Variants in TOMM5 observed in about 807,000 individuals in gnomAD.
The protein encoded by TOMM5 is translocase of outer mitochondrial membrane 5.
In TOMM5, 1 loss-of-function variant was observed where a neutral mutation model predicts 4.8. The observed-to-expected ratio is 0.21, with a 90% CI of 0.07 to 0.99. The LOEUF (loss-of-function observed/expected upper bound fraction) is 0.99, where lower values mean the gene tolerates loss of function less well. Ranked by LOEUF, TOMM5 falls within the 50% of genes least tolerant of loss-of-function variation. The probability of loss-of-function intolerance (pLI) is 0.60; values close to 1 mark genes in which losing one functional copy is unlikely to be tolerated. For synonymous variants in TOMM5, 26 were observed against 26.7 expected (o/e 0.97, Z 0.08); for missense variants, 60 against 66.6 (o/e 0.90, Z 0.35).
intron 1 of TOMM5, among the ~76,000 whole-genome samples, chr9:37,590,887 G>C (rs1459981683): frequency 6.6e-6 from 1 of 152,340 alleles, no homozygotes; most frequent in East Asian, 1.9e-4. Context: ...GTATCAGTGA[G>C]CTCTGGCCTA....
intron 1 of TOMM5, 157 bp downstream of exon 1, chr9:37,592,255 C>G: frequency 6.5e-7 from 1 of 1,548,094 alleles, no homozygotes; most frequent in Non-Finnish European, 8.7e-7. Context: ...CCGCAGACCT[C>G]AAACCGCGCA....
rs1563900475 is a variant in TOMM5 at position 37,592,522 on chromosome 9, ATCCGGAACATCGCGGC to A, written c.-6_10del. ...GTCCAGCTTCGGCGCGAGGCCCTCA[ATCCGGAACATCGCGGC>A]TCTGACTTAGCAGCTTCCAGCCGCC... On this transcript the variant is annotated start_lost and 5_prime_UTR_variant, in exon 1 of 2. Coordinates refer to ENST00000321301, the MANE Select transcript of TOMM5 (RefSeq NM_001001790.3). The A allele has an allele frequency of 6.2e-7, 1 of 1,612,914 alleles. No individual in the cohort carries two copies. Among genetic ancestry groups the A allele is most frequent in the Non-Finnish European group, 8.5e-7 (1 of 1,179,596 alleles).
chr9:37,590,398 C>T (rs745422460), intron 1 of TOMM5, among the ~76,000 whole-genome samples: 1 of 149,824 alleles, frequency 6.7e-6, no homozygotes, highest in African/African-American at 2.5e-5. Flanking sequence ...AGAGCAAGAC[C>T]GTCTCAAAAA....
At chr9:37,591,235 A>G (rs1823094783) in intron 1 of TOMM5, among the ~76,000 whole-genome samples, 1 of 152,162 alleles carries the variant, frequency 6.6e-6, no homozygotes, top group African/African-American at 2.4e-5. Flanking sequence ...ACTTCCTGTC[A>G]ATTTTAAGAT....
intron 1 of TOMM5, 196 bp downstream of exon 1, chr9:37,592,216 C>A (rs1251498839): frequency 2.0e-6 from 3 of 1,520,420 alleles, no homozygotes; most frequent in Admixed American, 4.1e-5. Context: ...CGCCGGCCAC[C>A]ACGTGCACTT....
chr9:37,592,360 C>G (rs1180353979), intron 1 of TOMM5, 52 bp downstream of exon 1: 1 of 1,612,276 alleles, frequency 6.2e-7, no homozygotes. Flanking sequence ...TAAGGGGTGC[C>G]CGTCGGTGAG....
chr9:37,592,566 G>C lies in TOMM5; in HGVS notation c.-34C>G. On this transcript the variant is annotated 5_prime_UTR_variant, in exon 1 of 2. Coordinates refer to ENST00000321301, the MANE Select transcript of TOMM5 (RefSeq NM_001001790.3). ...TGACTTAGCAGCTTCCAGCCGCCGCGCTCTGCTCTCCACGGTGGCCGCCTC... is the reference window on the plus strand; with the variant it reads ...TGACTTAGCAGCTTCCAGCCGCCGCCCTCTGCTCTCCACGGTGGCCGCCTC... The C allele has an allele frequency of 6.2e-7, 1 of 1,601,688 alleles. No individual in the cohort carries two copies. Among genetic ancestry groups the C allele is most frequent in the South Asian group, 1.1e-5 (1 of 89,962 alleles).
chr9:37,589,250 T>A (rs1823063748), intron 1 of TOMM5, among the ~76,000 whole-genome samples: 1 of 152,214 alleles, frequency 6.6e-6, no homozygotes, highest in African/African-American at 2.4e-5. Context: ...ATTTTAACTG[T>A]AAAAGGAACA....
At position 37,592,196 on chromosome 9, in the gene TOMM5, T is replaced by C. The variant is rs1281420663; in HGVS notation, c.121+216A>G. On this transcript the variant is annotated intron_variant, in intron 1 of 1. Transcript: ENST00000321301. Reference sequence around the variant, plus strand: ...TTCAAGCTGGGAGAACCAGGATGATTAAACACGCGCGCCGGCCACCACGTG... The same window carrying C: ...TTCAAGCTGGGAGAACCAGGATGATCAAACACGCGCGCCGGCCACCACGTG... The C allele has an allele frequency of 3.5e-5, 53 of 1,501,874 alleles. No individual in the cohort carries two copies. In the East Asian group the frequency reaches 1.2e-3, roughly 35 times the overall value. 93.0% of individuals were successfully genotyped at this position (1,501,874 alleles called of 1,614,324 possible).
chr9:37,592,115 A>T, intron 1 of TOMM5: 2 of 1,133,844 alleles, frequency 1.8e-6, no homozygotes, highest in Non-Finnish European at 2.4e-6. Context: ...TCGGCTTCAC[A>T]AAGTGCTGGG....
intron 1 of TOMM5, among the ~76,000 whole-genome samples, chr9:37,590,120 G>A (rs1300048226): frequency 6.6e-6 from 1 of 152,158 alleles, no homozygotes; most frequent in Non-Finnish European, 1.5e-5. Context: ...GGCCAGGTGT[G>A]GTGGACCACA....
chr9:37,591,505 A>G (rs1164847973), intron 1 of TOMM5, among the ~76,000 whole-genome samples: 1 of 152,098 alleles, frequency 6.6e-6, no homozygotes, highest in Non-Finnish European at 1.5e-5. Context: ...GGCCTGGCCA[A>G]CATGGTTAAA....
At chr9:37,590,313 T>G (rs1198194021) in intron 1 of TOMM5, among the ~76,000 whole-genome samples, 1 of 152,082 alleles carries the variant, frequency 6.6e-6, no homozygotes, top group African/African-American at 2.4e-5. Context: ...GATCACTTAC[T>G]TGAGCCTGGG....
rs147782132 is a variant in TOMM5, at chr9:37,591,792, T to C, written c.121+620A>G. On this transcript the variant is annotated intron_variant, in intron 1 of 1. Transcript: ENST00000321301. The stretch of plus-strand genomic sequence containing the variant: ...CAAGATCATTCACTGAATCGCTGAG[T>C]GACCTTTGGCCAGCCTTCCCAAGAA... Among the ~76,000 whole-genome samples, 44 of 152,118 alleles carry C rather than the reference T, an allele frequency of 2.9e-4. No homozygotes were observed. In the East Asian group the frequency reaches 6.6e-3, roughly 23 times the overall value.
intron 1 of TOMM5, among the ~76,000 whole-genome samples, chr9:37,591,705 A>AAAAG (rs1823105500): frequency 6.6e-6 from 1 of 151,816 alleles, no homozygotes; most frequent in Non-Finnish European, 1.5e-5. Context: ...GAAAAAAAAA[A>AAAAG]AAAAGAAAAG....
intron 1 of TOMM5, 161 bp downstream of exon 1, chr9:37,592,251 A>T (rs901854930): frequency 1.3e-6 from 2 of 1,545,056 alleles, no homozygotes; most frequent in Non-Finnish European, 1.8e-6. Context: ...TGACCCGCAG[A>T]CCTCAAACCG....
intron 1 of TOMM5, chr9:37,592,205 G>C: frequency 1.3e-6 from 2 of 1,507,388 alleles, no homozygotes; most frequent in African/African-American, 1.4e-5. Flanking sequence ...TTAAACACGC[G>C]CGCCGGCCAC....
rs1264393524 is a variant in TOMM5 at position 37,588,884 on chromosome 9, G to A, written c.*14C>T. On this transcript the variant is annotated 3_prime_UTR_variant, in exon 2 of 2. Coordinates refer to ENST00000321301, the MANE Select transcript of TOMM5 (RefSeq NM_001001790.3). Reference sequence around the variant, plus strand: ...GGCTCTTCATATCGTGCATTCATATGTGATGTCCTGTCTTCATATGCTGTC... The same window carrying A: ...GGCTCTTCATATCGTGCATTCATATATGATGTCCTGTCTTCATATGCTGTC... 2 of 1,613,616 alleles carry A rather than the reference G, an allele frequency of 1.2e-6. No homozygotes were observed. The highest frequency in any genetic ancestry group is 1.7e-6 in the Non-Finnish European group (2 of 1,179,556).
intron 1 of TOMM5, among the ~76,000 whole-genome samples, chr9:37,589,402 T>C (rs1005463983): frequency 3.3e-5 from 5 of 152,330 alleles, no homozygotes; most frequent in African/African-American, 1.2e-4. Context: ...ATATATCACT[T>C]AACATACTCT....
Sources: allele counts gnomAD v4.1 joint callset (sites outside exome capture counted in the v4.1 genomes callset), GRCh38; gene constraint gnomAD v4.1.1; transcripts MANE v1.5; gene names NCBI Gene and HGNC (gene_info 2026-07-23, HGNC 2026-07-21).